Variants in PLPPR1 observed in about 807,000 individuals in gnomAD.
PLPPR1 encodes the protein phospholipid phosphatase-related protein type 1.
A neutral mutation model predicts 33.1 loss-of-function variants in PLPPR1; 10 were observed. The observed-to-expected ratio is 0.30, with a 90% confidence interval of 0.19 to 0.51. The LOEUF (loss-of-function observed/expected upper bound fraction) is 0.51. Ranked by LOEUF, PLPPR1 falls within the 20% of genes least tolerant of loss-of-function variation. The pLI is 0.97. For synonymous variants in PLPPR1, 151 were observed against 151.0 expected, an observed-to-expected ratio of 1.00 and a Z score of 0.00; for missense variants, 304 against 408.1, an observed-to-expected ratio of 0.74 and a Z score of 2.20.
intron 1 of PLPPR1, among the ~76,000 whole-genome samples, chr9:101,077,484 C>T (rs1445773119): frequency 6.6e-6 from 1 of 152,170 alleles, no homozygotes; most frequent in African/African-American, 2.4e-5. Context: ...AATAGTTATG[C>T]ATTCAAATAG....
intron 1 of PLPPR1, among the ~76,000 whole-genome samples, chr9:101,160,176 G>A (rs569023412): frequency 6.6e-6 from 1 of 152,168 alleles, no homozygotes; most frequent in Non-Finnish European, 1.5e-5. Flanking sequence ...CTGAATAATT[G>A]CAAGTTGACC....
chr9:101,201,180 A>C (rs1826485541), intron 2 of PLPPR1, among the ~76,000 whole-genome samples: 2 of 152,202 alleles, frequency 1.3e-5, no homozygotes, highest in African/African-American at 4.8e-5. Flanking sequence ...AGCCTCTTTC[A>C]TAAGGACCTA....
intron 2 of PLPPR1, among the ~76,000 whole-genome samples, chr9:101,238,413 A>G (rs563094562): frequency 4.8e-5 from 7 of 146,386 alleles, no homozygotes; most frequent in Middle Eastern, 3.7e-3. Flanking sequence ...GTGTGTGTGT[A>G]TATATATATA....
At chr9:101,085,529 G>T (rs563490313) in intron 1 of PLPPR1, among the ~76,000 whole-genome samples, 15 of 152,000 alleles carry the variant, frequency 9.9e-5, no homozygotes, top group Admixed American at 2.0e-4. Context: ...AAACATAGAG[G>T]CATGAAGTCT....
intron 4 of PLPPR1, among the ~76,000 whole-genome samples, chr9:101,288,381 T>C (rs1828431239): frequency 6.6e-6 from 1 of 152,126 alleles, no homozygotes; most frequent in Non-Finnish European, 1.5e-5. Flanking sequence ...AATAGAGATC[T>C]GGACCTTGGG....
chr9:101,154,550 G>A (rs532615733), intron 1 of PLPPR1, among the ~76,000 whole-genome samples: 2 of 152,216 alleles, frequency 1.3e-5, no homozygotes, highest in South Asian at 4.2e-4. Context: ...GGGATCAGTG[G>A]TGATATCCCC....
rs1826464918 is a variant in PLPPR1 at position 101,199,990 on chromosome 9, G to C, written c.63+14433G>C. Among the ~76,000 whole-genome samples the C allele has an allele frequency of 3.3e-5, 5 of 152,146 alleles. No homozygotes were observed. In the South Asian group the frequency reaches 1.0e-3, roughly 32 times the overall value. On this transcript the variant is annotated intron_variant, in intron 2 of 7. Transcript: ENST00000374874. Reference sequence around the variant, plus strand: ...GGGAAGGTACACCAGTAGAGTGTGGGAGATGCTCATTTTCTCATGATCTAT... The same window carrying C: ...GGGAAGGTACACCAGTAGAGTGTGGCAGATGCTCATTTTCTCATGATCTAT...
chr9:101,146,248 T>C (rs1488682048), intron 1 of PLPPR1, among the ~76,000 whole-genome samples: 1 of 152,172 alleles, frequency 6.6e-6, no homozygotes, highest in Non-Finnish European at 1.5e-5. Flanking sequence ...AGATGCTCAA[T>C]AAATGTTTGT....
chr9:101,178,749 G>A (rs1826055570), intron 1 of PLPPR1, among the ~76,000 whole-genome samples: 1 of 152,100 alleles, frequency 6.6e-6, no homozygotes, highest in African/African-American at 2.4e-5. Flanking sequence ...AGAAGGCCAT[G>A]TATGCTCCGA....
intron 6 of PLPPR1, among the ~76,000 whole-genome samples, chr9:101,314,750 T>TA (rs34696830): frequency 0.031 from 4,545 of 146,264 alleles, 229 homozygotes; most frequent in African/African-American, 0.1. Context: ...AGCTTCAATT[T>TA]AAAAAAAAAA....
At chr9:101,318,223 A>G (rs146893379) in intron 7 of PLPPR1, among the ~76,000 whole-genome samples, 5 of 152,344 alleles carry the variant, frequency 3.3e-5, no homozygotes, top group Non-Finnish European at 5.9e-5. Flanking sequence ...ATAGGTAGTC[A>G]TAATATGACA....
chr9:101,238,122 T>TATATATATACATATACACAC (rs982295706), intron 2 of PLPPR1, among the ~76,000 whole-genome samples: 1 of 138,500 alleles, frequency 7.2e-6, no homozygotes, highest in Non-Finnish European at 1.6e-5. Context: ...TACGTGTGTG[T>TATATATATACATATACACAC]ATATATATAC....
chr9:101,199,317 T>A (rs865886807), intron 2 of PLPPR1, among the ~76,000 whole-genome samples: 7 of 152,242 alleles, frequency 4.6e-5, no homozygotes, highest in African/African-American at 1.7e-4. Flanking sequence ...CTAACTTTGA[T>A]ACTTTGCAAA....
chr9:101,299,147 G>A (rs939823527), intron 4 of PLPPR1, among the ~76,000 whole-genome samples: 2 of 152,214 alleles, frequency 1.3e-5, no homozygotes, highest in Non-Finnish European at 2.9e-5. Flanking sequence ...TAAGCAGATG[G>A]AGATAATTTC....
intron 2 of PLPPR1, among the ~76,000 whole-genome samples, chr9:101,236,938 C>G (rs781529107): frequency 6.6e-6 from 1 of 151,698 alleles, no homozygotes; most frequent in Non-Finnish European, 1.5e-5. Context: ...AACTATATAT[C>G]TGACAAAGTG....
At chr9:101,267,046 T>C (rs1036305788) in intron 2 of PLPPR1, among the ~76,000 whole-genome samples, 1 of 152,164 alleles carries the variant, frequency 6.6e-6, no homozygotes, top group African/African-American at 2.4e-5. Flanking sequence ...CAAAATTGTT[T>C]CCAGCCACAT....
chr9:101,286,255 T>C lies in PLPPR1; in HGVS notation c.385+19T>C, dbSNP rs1314004562. 6.9e-6 allele frequency: 11 copies of C among 1,588,690 alleles called. No individual in the cohort carries two copies. Among genetic ancestry groups the C allele is most frequent in the Non-Finnish European group, 9.4e-6 (11 of 1,167,804 alleles). Reference sequence around the variant, plus strand: ...TTCACAGGTGAGTACAAGATGGTGCTGAACTAAGCTCTCACATAAAAGTAA... The same window carrying C: ...TTCACAGGTGAGTACAAGATGGTGCCGAACTAAGCTCTCACATAAAAGTAA... On this transcript the variant is annotated intron_variant, in intron 4 of 7. Coordinates refer to ENST00000374874, the MANE Select transcript of PLPPR1 (RefSeq NM_207299.2).
At chr9:101,252,872 T>A (rs1035972111) in intron 2 of PLPPR1, among the ~76,000 whole-genome samples, 1 of 152,096 alleles carries the variant, frequency 6.6e-6, no homozygotes, top group Non-Finnish European at 1.5e-5. Flanking sequence ...GTTCGTTTTA[T>A]GTTTTCATTC....
At chr9:101,234,732 C>T (rs1221177355) in intron 2 of PLPPR1, among the ~76,000 whole-genome samples, 1 of 151,874 alleles carries the variant, frequency 6.6e-6, no homozygotes, top group East Asian at 1.9e-4. Context: ...CTGCCAATTA[C>T]TTAGAAGTGA....
Sources: gnomAD v4.1 joint callset for allele counts (sites outside exome capture counted in the v4.1 genomes callset) on GRCh38, gnomAD v4.1.1 for gene constraint, MANE v1.5 for transcripts, NCBI Gene and HGNC (gene_info 2026-07-23, HGNC 2026-07-21) for gene names.